Variants in FASTKD3 observed in about 807,000 individuals in gnomAD.
FASTKD3 encodes the protein FAST kinase domain-containing protein 3, mitochondrial.
FASTKD3 carries 47 observed loss-of-function variants against 49.7 expected under a neutral mutation model. That is an observed-to-expected ratio of 0.95 (90% CI 0.75 to 1.21). The LOEUF (loss-of-function observed/expected upper bound fraction) is 1.21. Among genes scored for constraint, FASTKD3 ranks in the 50% most tolerant of loss-of-function variants. The pLI, the probability that FASTKD3 is intolerant of heterozygous loss-of-function variation, is 0.00. For missense variants in FASTKD3, 748 were observed against 765.7 expected (o/e 0.98, Z 0.27); for synonymous variants, 284 against 288.6 (o/e 0.98, Z 0.16).
chr5:7,862,793 T>C lies in FASTKD3; in HGVS notation c.1699+30A>G, dbSNP rs1344635885. 5.1e-6 allele frequency: 8 copies of C among 1,581,760 alleles called. No individual in the cohort carries two copies. In the South Asian group the frequency reaches 9.1e-5, roughly 18 times the overall value. On this transcript the variant is annotated intron_variant, in intron 4 of 6. Transcript: ENST00000264669. ...CAAAATCGAACAGGATGCTTAGGTT[T>C]AAAACAACAAAACTCCTTATACTAC...
chr5:7,863,281 A>G (rs1313673600), intron 3 of FASTKD3: 13 of 363,282 alleles, frequency 3.6e-5, no homozygotes, highest in Non-Finnish European at 6.5e-5. Context: ...AGGAGTGAGG[A>G]GAGAGTGAGA....
chr5:7,865,894 T>C lies in FASTKD3; in HGVS notation c.1524+4A>G, dbSNP rs372035009. The C allele has an allele frequency of 1.5e-4, 246 of 1,611,562 alleles. No individual in the cohort carries two copies. The highest frequency in any genetic ancestry group is 2.0e-4 in the Non-Finnish European group (236 of 1,177,812). ...ATAAAGCCACATATAGTTCATGCTT[T>C]TACCTTATAGAAAGGGCATTCCAGG... On this transcript the variant is annotated splice_donor_region_variant and intron_variant, in intron 3 of 6. Transcript: ENST00000264669.
In FASTKD3 at chr5:7,866,683, T is replaced by C; in HGVS notation, c.1401A>G (p.Ala467=). Residue 467 remains alanine (A), a synonymous_variant, in exon 2 of 7, where the codon GCA becomes GCG. Transcript: ENST00000264669. Reference sequence around the variant, plus strand: ...GAAGGAAAAGAGGCTTGAATATTTTTGCCAGAAAGTTGACTGGATGGCATT... The same window carrying C: ...GAAGGAAAAGAGGCTTGAATATTTTCGCCAGAAAGTTGACTGGATGGCATT... The part of the protein sequence containing the change: ...LNECHPVNFL[A]KIFKPLFLQR... 1 of 1,598,650 alleles carries C rather than the reference T, an allele frequency of 6.3e-7. No individual in the cohort carries two copies.
chr5:7,863,186 A>C, intron 3 of FASTKD3, 189 bp from the exon 4 acceptor site: 1 of 582,452 alleles, frequency 1.7e-6, no homozygotes. Context: ...TGCAAGTCTA[A>C]TAGTTCAAAA....
At chr5:7,861,893 T>C in intron 4 of FASTKD3, 1 of 607,840 alleles carries the variant, frequency 1.6e-6, no homozygotes, top group Non-Finnish European at 2.4e-6. Context: ...GAATGGGTTC[T>C]GAAGTTATCT....
chr5:7,863,900 G>A (rs1319291791), intron 3 of FASTKD3, among the ~76,000 whole-genome samples: 1 of 152,092 alleles, frequency 6.6e-6, no homozygotes, highest in Non-Finnish European at 1.5e-5. Flanking sequence ...GCCCAGGCTG[G>A]AGTACAATGA....
At position 7,865,987 on chromosome 5, in the gene FASTKD3, A is replaced by T. The variant is rs762144331; in HGVS notation, c.1439-4T>A. 2.1e-5 allele frequency: 34 copies of T among 1,612,100 alleles called. No homozygotes were observed. The Middle Eastern group carries it at 4.9e-4, about 23-fold the overall frequency. On this transcript the variant is annotated splice_region_variant and splice_polypyrimidine_tract_variant and intron_variant, in intron 2 of 6. Coordinates refer to ENST00000264669, the MANE Select transcript of FASTKD3 (RefSeq NM_024091.4). ...GTGTCCAAATGAGATTCTTTACCTG[A>T]AACAGAAAGCATCCCAGTCATAGTT...
intron 5 of FASTKD3, 150 bp from the exon 6 acceptor site, chr5:7,861,413 T>C (rs1411144268): frequency 5.0e-6 from 3 of 599,324 alleles, no homozygotes; most frequent in Admixed American, 3.7e-5. Context: ...ATCTTATTAA[T>C]ATTAATGTTT....
chr5:7,867,525 G>T lies in FASTKD3; in HGVS notation c.559C>A (p.Leu187Met), dbSNP rs1747072571. ...SLVTALQALI[L>M]LHVDPQSSLL... is the part of the protein sequence containing the mutation. ...CTACTTTGAGGATCCACATGCAACA[G>T]AATCAGAGCTTGCAAAGCAGTCACT... The change falls in exon 2 of 7, where the codon CTG (leucine) becomes ATG (methionine). Residue 187 changes from leucine (L) to methionine (M), a missense_variant. This residue lies in a region of FASTKD3 where 564 missense variants were observed against 562.8 expected (regional missense o/e 1.00). Coordinates refer to ENST00000264669, the MANE Select transcript of FASTKD3 (RefSeq NM_024091.4). The T allele has an allele frequency of 6.2e-7, 1 of 1,614,268 alleles. No individual in the cohort carries two copies. The highest frequency in any genetic ancestry group is 2.2e-5 in the East Asian group (1 of 44,888).
At position 7,867,503 on chromosome 5, in the gene FASTKD3, C is replaced by CT; in HGVS notation, c.580dup (p.Ser194LysfsTer2). ...TGCCACCAGGTTCAGCAACAGGCTA[C>CT]TTTGAGGATCCACATGCAACAGAAT... On this transcript the variant is annotated frameshift_variant, in exon 2 of 7. Transcript: ENST00000264669. LOFTEE classifies it high-confidence loss of function. 1 of 1,614,250 alleles carries CT rather than the reference C, an allele frequency of 6.2e-7. No individual in the cohort carries two copies. Among genetic ancestry groups the CT allele is most frequent in the Non-Finnish European group, 8.5e-7 (1 of 1,180,048 alleles).
At chr5:7,866,030 T>C (rs778553410) in intron 2 of FASTKD3, 47 bp from the exon 3 acceptor site, 1 of 1,198,652 alleles carries the variant, frequency 8.3e-7, no homozygotes, top group South Asian at 1.5e-5. Context: ...AATTGAGGTA[T>C]GTATGAGAGA....
chr5:7,861,113 G>T, intron 6 of FASTKD3, 36 bp downstream of exon 6: 1 of 1,248,356 alleles, frequency 8.0e-7, no homozygotes, highest in Non-Finnish European at 1.2e-6. Context: ...AATAGGATTT[G>T]CTTTTGGGAA....
Position 7,866,750 on chromosome 5 carries a change from G to T in FASTKD3, c.1334C>A (p.Pro445His). The T allele has an allele frequency of 6.2e-7, 1 of 1,614,040 alleles. No homozygotes were observed. The highest frequency in any genetic ancestry group is 8.5e-7 in the Non-Finnish European group (1 of 1,179,944). ...ATGAAGAAGTTTCAATAATGATTTG[G>T]GTGGAAAATAATTGAAATGAGTGAA... The part of the protein sequence containing the change: ...VLFTHFNYFP[P>H]KSLLKLLHSC... The change falls in exon 2 of 7, where the codon CCC becomes CAC. Residue 445 changes from proline to histidine, a missense_variant. This residue lies in a region of FASTKD3 where 564 missense variants were observed against 562.8 expected (regional missense o/e 1.00). Coordinates refer to ENST00000264669, the MANE Select transcript of FASTKD3 (RefSeq NM_024091.4).
At chr5:7,861,475 T>G in intron 5 of FASTKD3, 108 bp downstream of exon 5, 1 of 809,414 alleles carries the variant, frequency 1.2e-6, no homozygotes, top group Non-Finnish European at 1.8e-6. Flanking sequence ...TGTAGTATTT[T>G]AATTTCCAGA....
At chr5:7,863,039 TATAAC>T (rs1561097514) in intron 3 of FASTKD3, 42 bp from the exon 4 acceptor site, 18 of 1,535,328 alleles carry the variant, frequency 1.2e-5, no homozygotes, top group Non-Finnish European at 1.5e-5. Context: ...AAAAATAAGA[TATAAC>T]AACAGAGAAT....
At position 7,861,804 on chromosome 5, in the gene FASTKD3, G is replaced by T. The variant is rs902916044; in HGVS notation, c.1700-152C>A. On this transcript the variant is annotated intron_variant, in intron 4 of 6. Coordinates refer to ENST00000264669, the MANE Select transcript of FASTKD3 (RefSeq NM_024091.4). ...AAGTAATGACCACAACCAAACAATG[G>T]TGAGAATTTTAATTCAATTGGCTTT... is the stretch of plus-strand genomic sequence containing the variant. The T allele has an allele frequency of 3.7e-6, 5 of 1,357,592 alleles. No individual in the cohort carries two copies. In the East Asian group the frequency reaches 1.2e-4, roughly 31 times the overall value. 84.1% of individuals were successfully genotyped at this position (1,357,592 alleles called of 1,614,324 possible).
intron 4 of FASTKD3, among the ~76,000 whole-genome samples, chr5:7,862,324 T>A (rs1746610984): frequency 6.6e-6 from 1 of 152,132 alleles, no homozygotes; most frequent in South Asian, 2.1e-4. Context: ...AATGGTGCTG[T>A]CCAATTTGGC....
At chr5:7,860,456 T>C (rs1167011666) in intron 6 of FASTKD3, among the ~76,000 whole-genome samples, 2 of 152,222 alleles carry the variant, frequency 1.3e-5, no homozygotes, top group African/African-American at 4.8e-5. Context: ...AAACAGAACA[T>C]ATATTCCAAC....
intron 5 of FASTKD3, 75 bp downstream of exon 5, chr5:7,861,505 CCTT>C (rs1385836455): frequency 9.4e-7 from 1 of 1,065,000 alleles, no homozygotes; most frequent in African/African-American, 1.6e-5. Flanking sequence ...ATTTTTTTCA[CCTT>C]CTTGAGAAAA....
Sources: gnomAD v4.1 joint callset for allele counts (sites outside exome capture counted in the v4.1 genomes callset) on GRCh38, gnomAD v4.1.1 for gene constraint, gnomAD v4.1.1 regional missense constraint, MANE v1.5 for transcripts, NCBI Gene and HGNC (gene_info 2026-07-23, HGNC 2026-07-21) for gene names.